LRRC36: variants seen among roughly 807,000 people sequenced by gnomAD.
LRRC36 encodes the protein leucine rich repeat containing 36.
A neutral mutation model predicts 81.1 loss-of-function variants in LRRC36; 62 were observed. That is an observed-to-expected ratio of 0.76 (90% CI 0.62 to 0.94). LRRC36 has a LOEUF of 0.94. Among genes scored for constraint, LRRC36 ranks in the 40% least tolerant of loss-of-function variants. The pLI, the probability that LRRC36 is intolerant of heterozygous loss-of-function variation, is 0.00. For missense variants in LRRC36, 761 were observed against 881.7 expected (o/e 0.86, Z 1.73); for synonymous variants, 334 against 348.6 (o/e 0.96, Z 0.47).
At chr16:67,373,353 A>G (rs1232707213) in intron 9 of LRRC36, among the ~76,000 whole-genome samples, 1 of 152,114 alleles carries the variant, frequency 6.6e-6, no homozygotes. Context: ...ATACTTTTTA[A>G]TTTCTGAAAG....
chr16:67,334,767 A>G (rs1321508664), intron 1 of LRRC36, among the ~76,000 whole-genome samples: 1 of 151,896 alleles, frequency 6.6e-6, no homozygotes, highest in Admixed American at 6.6e-5. Context: ...GCTCTTTTCT[A>G]TTTTCCCTAA....
chr16:67,373,133 A>G (rs577544607), intron 9 of LRRC36, among the ~76,000 whole-genome samples: 6 of 152,168 alleles, frequency 3.9e-5, no homozygotes, highest in Non-Finnish European at 7.3e-5. Flanking sequence ...GTGGAGGATT[A>G]CTTGAAGCCA....
chr16:67,371,687 AT>A (rs1215187696), intron 9 of LRRC36: 26 of 214,136 alleles, frequency 1.2e-4, no homozygotes, highest in Non-Finnish European at 2.1e-4. Flanking sequence ...CCAGGCCAAC[AT>A]GGCGAAACCC....
intron 1 of LRRC36, among the ~76,000 whole-genome samples, chr16:67,335,979 G>A (rs1434630890): frequency 3.9e-5 from 6 of 152,134 alleles, no homozygotes; most frequent in South Asian, 2.1e-4. Context: ...TGATCCGCCC[G>A]TCTCGGTCTC....
intron 5 of LRRC36, among the ~76,000 whole-genome samples, chr16:67,350,683 AT>A (rs1261875150): frequency 6.6e-6 from 1 of 152,240 alleles, no homozygotes; most frequent in Non-Finnish European, 1.5e-5. Context: ...TGTTTGGGAT[AT>A]ATTACTGGGG....
chr16:67,346,030 A>G (rs2142016882), intron 2 of LRRC36, among the ~76,000 whole-genome samples: 1 of 152,320 alleles, frequency 6.6e-6, no homozygotes, highest in Non-Finnish European at 1.5e-5. Context: ...GTAAAGAAGG[A>G]AATGTATTAT....
At chr16:67,355,723 A>T (rs2038875485) in intron 5 of LRRC36, among the ~76,000 whole-genome samples, 1 of 152,156 alleles carries the variant, frequency 6.6e-6, no homozygotes, top group South Asian at 2.1e-4. Context: ...TAGTTTCTCA[A>T]ACTGGACTCC....
chr16:67,347,531 C>G lies in LRRC36; in HGVS notation c.428C>G (p.Ala143Gly). 6.2e-7 allele frequency: 1 copy of G among 1,613,242 alleles called. No individual in the cohort carries two copies. Among genetic ancestry groups the G allele is most frequent in the Non-Finnish European group, 8.5e-7 (1 of 1,179,308 alleles). Residue 143 changes from alanine (A) to glycine (G), a missense_variant, in exon 4 of 14, where the codon GCC becomes GGC. Transcript: ENST00000329956. ...GTACGTGAAGGTGAGAGAAAAGCTG[C>G]CAAGCTGCATTTTAGTCAGTTGGGC... ...RTVREGERKA[A>G]KLHFSQLGNS...
intron 1 of LRRC36, among the ~76,000 whole-genome samples, chr16:67,327,698 T>C (rs2037260226): frequency 6.6e-6 from 1 of 152,008 alleles, no homozygotes; most frequent in African/African-American, 2.4e-5. Context: ...AGAATGTCGA[T>C]GGAGAAGTGA....
At chr16:67,329,420 A>G (rs2142550750) in intron 1 of LRRC36, among the ~76,000 whole-genome samples, 1 of 152,054 alleles carries the variant, frequency 6.6e-6, no homozygotes, top group East Asian at 2.0e-4. Context: ...CTTCCTGAGT[A>G]GCTGGGATTT....
chr16:67,332,865 AATTTTATTTATTTATTT>A (rs1462873908), intron 1 of LRRC36, among the ~76,000 whole-genome samples: 2 of 151,674 alleles, frequency 1.3e-5, no homozygotes, highest in Non-Finnish European at 2.9e-5. Context: ...AAGTCAGGAA[AATTTTATTTATTTATTT>A]ATTTTATTTA....
intron 5 of LRRC36, among the ~76,000 whole-genome samples, chr16:67,356,911 G>C (rs1270469421): frequency 6.6e-6 from 1 of 152,172 alleles, no homozygotes; most frequent in African/African-American, 2.4e-5. Flanking sequence ...TAGAGATAAG[G>C]CCAAGTTGCA....
intron 5 of LRRC36, among the ~76,000 whole-genome samples, chr16:67,355,398 G>A (rs1230762936): frequency 8.8e-6 from 1 of 113,598 alleles, no homozygotes; most frequent in Non-Finnish European, 1.7e-5. Flanking sequence ...TTTTTGAGAC[G>A]GAGTCTCGCT....
chr16:67,345,387 C>A (rs2038295561), intron 2 of LRRC36, among the ~76,000 whole-genome samples: 1 of 151,204 alleles, frequency 6.6e-6, no homozygotes, highest in Admixed American at 6.6e-5. Flanking sequence ...TAGTATTGGG[C>A]AAAAGCAGCT....
chr16:67,358,464 G>A (rs1416292145), intron 5 of LRRC36, among the ~76,000 whole-genome samples: 2 of 151,236 alleles, frequency 1.3e-5, no homozygotes, highest in African/African-American at 2.4e-5. Flanking sequence ...TGCCTCCTGA[G>A]TAGCAGGGAC....
intron 5 of LRRC36, 90 bp downstream of exon 5, chr16:67,350,380 T>C: frequency 9.2e-7 from 1 of 1,081,506 alleles, no homozygotes. Context: ...AGACACATAG[T>C]TGAGAAAGAA....
intron 1 of LRRC36, among the ~76,000 whole-genome samples, chr16:67,341,232 A>G (rs1397883625): frequency 7.1e-6 from 1 of 140,580 alleles, no homozygotes; most frequent in Non-Finnish European, 1.5e-5. Context: ...AATTTAATAT[A>G]TATAATTATA....
chr16:67,342,011 T>C lies in LRRC36; in HGVS notation c.125T>C (p.Ile42Thr). 2 of 1,610,460 alleles carry C rather than the reference T, an allele frequency of 1.2e-6. No homozygotes were observed. Among genetic ancestry groups the C allele is most frequent in the Non-Finnish European group, 1.7e-6 (2 of 1,177,292 alleles). The change falls in exon 2 of 14, where the codon ATT (isoleucine) becomes ACT (threonine). Residue 42 changes from isoleucine to threonine, a missense_variant. Physicochemically the swap from Ile to Thr is moderately conservative, Grantham distance 89. Transcript: ENST00000329956. Reference sequence around the variant, plus strand: ...TCTTATGCTGGCAAAATCCATTCCATTGGTGATGCCTTCAGAAATTTTAAA... The same window carrying C: ...TCTTATGCTGGCAAAATCCATTCCACTGGTGATGCCTTCAGAAATTTTAAA... ...QGSYAGKIHS[I>T]GDAFRNFKNL...
At chr16:67,337,117 ACATTTTTGTTTATT>A (rs2037799695) in intron 1 of LRRC36, among the ~76,000 whole-genome samples, 1 of 151,854 alleles carries the variant, frequency 6.6e-6, no homozygotes, top group East Asian at 1.9e-4. Context: ...TGGATATACC[ACATTTTTGTTTATT>A]CATTCATCTG....
Sources: gnomAD v4.1 joint callset for allele counts (sites outside exome capture counted in the v4.1 genomes callset) on GRCh38, gnomAD v4.1.1 for gene constraint, MANE v1.5 for transcripts, NCBI Gene and HGNC (gene_info 2026-07-23, HGNC 2026-07-21) for gene names.